LRRC37A: variants seen among roughly 807,000 people sequenced by gnomAD.
The protein encoded by LRRC37A is leucine rich repeat containing 37A, also known as leucine-rich repeat-containing protein 37A.
A neutral mutation model predicts 35.4 loss-of-function variants in LRRC37A; 3 were observed. That is an observed-to-expected ratio of 0.08 (90% confidence interval 0.04 to 0.22). The LOEUF is 0.22. Among genes scored for constraint, LRRC37A ranks in the 10% least tolerant of loss-of-function variants. The probability of loss-of-function intolerance (pLI) is 1.00; values close to 1 mark genes in which losing one functional copy is unlikely to be tolerated. For synonymous variants in LRRC37A, 23 were observed against 215.0 expected, an observed-to-expected ratio of 0.11 and a Z score of 7.81; for missense variants, 67 against 565.3, an observed-to-expected ratio of 0.12 and a Z score of 8.94.
the LRRC37A span, among the ~76,000 whole-genome samples, chr17:46,259,019 A>ATTTTTTTTTTTTTTTTTT: frequency 3.0e-4 from 24 of 79,444 alleles, 1 homozygote; most frequent in Middle Eastern, 6.9e-3. Context: ...CACCCGGCCT[A>ATTTTTTTTTTTTTTTTTT]TTTTTTTTTT....
At chr17:46,259,110 G>A in the LRRC37A span, among the ~76,000 whole-genome samples, 1 of 128,850 alleles carries the variant, frequency 7.8e-6, no homozygotes, top group Non-Finnish European at 1.6e-5. Context: ...AAACTATACA[G>A]AAACCAAAAC....
chr17:46,266,647 C>T, the LRRC37A span, among the ~76,000 whole-genome samples: 1 of 152,220 alleles, frequency 6.6e-6, no homozygotes. Context: ...AGCTTTCTGG[C>T]TCCTCTGTTT....
At chr17:46,268,835 C>T in the LRRC37A span, 14 of 612,784 alleles carry the variant, frequency 2.3e-5, no homozygotes, top group South Asian at 1.6e-4. Context: ...ACTGTAATCT[C>T]GAAGGTGTCA....
At chr17:46,272,260 T>C in the LRRC37A span, among the ~76,000 whole-genome samples, 4 of 152,224 alleles carry the variant, frequency 2.6e-5, no homozygotes, top group Non-Finnish European at 5.9e-5. Flanking sequence ...GGTAGAAACA[T>C]CCTAAGAGTA....
At chr17:46,286,396 G>T in the LRRC37A span, among the ~76,000 whole-genome samples, 2 of 152,240 alleles carry the variant, frequency 1.3e-5, no homozygotes, top group African/African-American at 2.4e-5. Flanking sequence ...ACTGTACCAT[G>T]TGGGAGTTCA....
At chr17:46,267,610 CTTT>C in the LRRC37A span, 10 of 1,549,280 alleles carry the variant, frequency 6.5e-6, no homozygotes, top group Non-Finnish European at 8.9e-6. Context: ...GTCGTCCAGT[CTTT>C]TTTTGGGACG....
chr17:46,251,258 CT>C, the LRRC37A span, among the ~76,000 whole-genome samples: 8,065 of 137,540 alleles, frequency 0.059, 3 homozygotes, highest in Middle Eastern at 0.1. Context: ...TGCTTAACAT[CT>C]TTTTTTTTTT....
the LRRC37A span, among the ~76,000 whole-genome samples, chr17:46,250,183 C>T: frequency 2.6e-5 from 4 of 152,110 alleles, no homozygotes; most frequent in African/African-American, 9.7e-5. Context: ...CATCCACCTC[C>T]GCCTCCCAAA....
At chr17:46,268,624 G>T in the LRRC37A span, 2 of 1,556,918 alleles carry the variant, frequency 1.3e-6, no homozygotes, top group Non-Finnish European at 1.7e-6. Context: ...AGCAGCAGCA[G>T]CTATGTGAAA....
chr17:46,256,917 T>G, the LRRC37A span, among the ~76,000 whole-genome samples: 1 of 152,244 alleles, frequency 6.6e-6, no homozygotes, highest in Non-Finnish European at 1.5e-5. Flanking sequence ...CAACTTAGAC[T>G]TCATCGCCAT....
At chr17:46,275,800 A>C in the LRRC37A span, among the ~76,000 whole-genome samples, 1 of 152,250 alleles carries the variant, frequency 6.6e-6, no homozygotes, top group South Asian at 2.1e-4. Flanking sequence ...ATAAAGGGAA[A>C]AATTATGCTA....
the LRRC37A span, among the ~76,000 whole-genome samples, chr17:46,265,123 C>G: frequency 6.6e-6 from 1 of 152,210 alleles, no homozygotes; most frequent in African/African-American, 2.4e-5. Flanking sequence ...GAGGTTTGCT[C>G]TTTTGGAGGG....
At chr17:46,258,105 T>C in the LRRC37A span, among the ~76,000 whole-genome samples, 3 of 152,206 alleles carry the variant, frequency 2.0e-5, no homozygotes, top group Non-Finnish European at 4.4e-5. Flanking sequence ...GACTTCTCCA[T>C]AGACTGCTTG....
At chr17:46,249,738 C>G in the LRRC37A span, among the ~76,000 whole-genome samples, 2 of 152,182 alleles carry the variant, frequency 1.3e-5, no homozygotes, top group African/African-American at 2.4e-5. Context: ...ACCAGAGCCC[C>G]TGAAATAGCA....
upstream of LRRC37A, among the ~76,000 whole-genome samples, chr17:46,292,441 T>C (rs2050100658): frequency 3.7e-5 from 3 of 81,182 alleles, 1 homozygote; most frequent in Admixed American, 3.8e-4. Context: ...TTTGTTTCAT[T>C]CTCAGGAAAA....
the LRRC37A span, among the ~76,000 whole-genome samples, chr17:46,265,341 T>C: frequency 7.6e-6 from 1 of 131,950 alleles, no homozygotes; most frequent in Admixed American, 8.0e-5. Flanking sequence ...TCTCCTCTTC[T>C]TCTTCTTCTT....
In LRRC37A at chr17:46,322,212, AT is replaced by A. The variant is rs1245027067; in HGVS notation, c.2907-103del. 2.2e-5 allele frequency: 8 copies of A among 368,728 alleles called. 2 individuals carry two copies. The highest frequency in any genetic ancestry group is 1.9e-4 in the African/African-American group (7 of 36,720). The allele number at this position is 368,728 out of a possible 1,614,324, so 22.8% of individuals were successfully genotyped here. A position where few individuals can be genotyped will look rare whatever the true frequency, so the allele number is the denominator to read the frequency against. ...GATTTCTTAGGTAAAGACAGGAAAC[AT>A]TTTTTTCTTTTTTACCTACAAGTTC... On this transcript the variant is annotated intron_variant, in intron 5 of 13. Coordinates refer to ENST00000320254, the Ensembl canonical transcript of LRRC37A.
the LRRC37A span, among the ~76,000 whole-genome samples, chr17:46,257,517 A>T: frequency 6.6e-6 from 1 of 151,362 alleles, no homozygotes; most frequent in Non-Finnish European, 1.5e-5. Flanking sequence ...AAATTTAAAA[A>T]AGATTTAACA....
chr17:46,259,843 C>G, the LRRC37A span: 10 of 1,518,722 alleles, frequency 6.6e-6, no homozygotes, highest in South Asian at 8.3e-5. Flanking sequence ...CAGGGTAGCC[C>G]GAGCCCCTTG....
Sources: allele counts gnomAD v4.1 joint callset (sites outside exome capture counted in the v4.1 genomes callset), GRCh38; gene constraint gnomAD v4.1.1; transcripts MANE v1.5; gene names NCBI Gene and HGNC (gene_info 2026-07-23, HGNC 2026-07-21).